The following SPECC1 variants were observed in gnomAD, a reference collection of about 807,000 sequenced individuals.
The protein encoded by SPECC1 is cytospin-B.
In SPECC1, 62 loss-of-function variants were observed where a neutral mutation model predicts 104.1. That is an observed-to-expected ratio of 0.60 (90% confidence interval 0.49 to 0.74). The LOEUF (loss-of-function observed/expected upper bound fraction) is 0.74. Ranked by LOEUF, SPECC1 falls within the 30% of genes least tolerant of loss-of-function variation. The pLI is 0.00. For missense variants in SPECC1, 1,306 were observed against 1,310.5 expected (o/e 1.00, Z 0.05); for synonymous variants, 513 against 501.6 (o/e 1.02, Z -0.30).
intron 3 of SPECC1, among the ~76,000 whole-genome samples, chr17:20,123,967 AG>A (rs2049161333): frequency 6.6e-6 from 1 of 152,204 alleles, no homozygotes; most frequent in Admixed American, 6.5e-5. Context: ...CAGGACTTGC[AG>A]ATTAGGAAAC....
chr17:20,141,257 T>C (rs2030760317), intron 3 of SPECC1, among the ~76,000 whole-genome samples: 1 of 152,210 alleles, frequency 6.6e-6, no homozygotes, highest in African/African-American at 2.4e-5. Context: ...ATCCTACCTA[T>C]ACTGCTTCTC....
intron 12 of SPECC1, among the ~76,000 whole-genome samples, chr17:20,282,597 G>A (rs2040812419): frequency 6.6e-6 from 1 of 152,196 alleles, no homozygotes; most frequent in South Asian, 2.1e-4. Flanking sequence ...TTTAGAGAAA[G>A]AGTGCTGATG....
chr17:20,082,458 G>T (rs2047010777), intron 1 of SPECC1, among the ~76,000 whole-genome samples: 1 of 152,088 alleles, frequency 6.6e-6, no homozygotes, highest in African/African-American at 2.4e-5. Context: ...AATTAGCCAG[G>T]CGTGGTGGTG....
At position 20,205,668 on chromosome 17, in the gene SPECC1, G is replaced by A; in HGVS notation, c.1619G>A (p.Cys540Tyr). The A allele has an allele frequency of 6.2e-7, 1 of 1,614,234 alleles. No homozygotes were observed. Among genetic ancestry groups the A allele is most frequent in the Non-Finnish European group, 8.5e-7 (1 of 1,180,042 alleles). The change falls in exon 4 of 15, where the codon TGT (cysteine) becomes TAT (tyrosine). Residue 540 changes from cysteine to tyrosine, a missense_variant. This residue lies in a region of SPECC1 where 1,177 missense variants were observed against 1,139.9 expected (regional missense o/e 1.03). Transcript: ENST00000395527. The stretch of plus-strand genomic sequence containing the variant: ...ATGATGGCCAAAACTTTGGAAGAGT[G>A]TAGAGTTACCTTGGAAGGGCTAAAA... The part of the protein sequence containing the change: ...NNMMAKTLEE[C>Y]RVTLEGLKME...
At chr17:20,216,771 G>A (rs1434226917) in intron 4 of SPECC1, among the ~76,000 whole-genome samples, 1 of 152,142 alleles carries the variant, frequency 6.6e-6, no homozygotes, top group Non-Finnish European at 1.5e-5. Context: ...ATTGAGAGAT[G>A]CATGAGAGTG....
At chr17:20,311,418 C>G (rs2041931540) in intron 14 of SPECC1, among the ~76,000 whole-genome samples, 1 of 150,230 alleles carries the variant, frequency 6.7e-6, no homozygotes, top group South Asian at 2.1e-4. Flanking sequence ...GAGATGGAGT[C>G]TTGCTCTGTC....
intron 7 of SPECC1, among the ~76,000 whole-genome samples, chr17:20,243,969 C>A (rs1366671510): frequency 6.6e-6 from 1 of 151,992 alleles, no homozygotes; most frequent in African/African-American, 2.4e-5. Context: ...GTAATCCTGG[C>A]ACTTTGGGAG....
At chr17:20,266,268 T>C (rs2040212946) in intron 12 of SPECC1, among the ~76,000 whole-genome samples, 1 of 152,176 alleles carries the variant, frequency 6.6e-6, no homozygotes, top group Non-Finnish European at 1.5e-5. Context: ...CTTCCATATA[T>C]TGTTCAGCTC....
intron 7 of SPECC1, among the ~76,000 whole-genome samples, chr17:20,235,270 C>A (rs1228620766): frequency 1.3e-5 from 2 of 152,178 alleles, no homozygotes; most frequent in Non-Finnish European, 2.9e-5. Flanking sequence ...TGGGAGCCTG[C>A]TCTTTCTCTT....
intron 3 of SPECC1, among the ~76,000 whole-genome samples, chr17:20,116,237 C>T (rs886485416): frequency 1.3e-5 from 2 of 152,028 alleles, no homozygotes; most frequent in Non-Finnish European, 2.9e-5. Flanking sequence ...TACAGGTGCC[C>T]GCCACCACGC....
intron 14 of SPECC1, among the ~76,000 whole-genome samples, chr17:20,309,521 C>A (rs186214802): frequency 6.6e-6 from 1 of 152,070 alleles, no homozygotes; most frequent in Non-Finnish European, 1.5e-5. Context: ...ACATAGTAGC[C>A]GATAGTTTTT....
At chr17:20,172,206 C>G (rs1319554233) in intron 3 of SPECC1, among the ~76,000 whole-genome samples, 4 of 152,144 alleles carry the variant, frequency 2.6e-5, no homozygotes, top group African/African-American at 9.7e-5. Flanking sequence ...CACACCACAC[C>G]CCTTCTGGCC....
intron 1 of SPECC1, among the ~76,000 whole-genome samples, chr17:20,047,615 T>G (rs1486886988): frequency 6.6e-6 from 1 of 152,044 alleles, no homozygotes; most frequent in Non-Finnish European, 1.5e-5. Flanking sequence ...CTTTTTTTTT[T>G]GAGATGGAGT....
In SPECC1 at chr17:20,049,938, C is replaced by T. The variant is rs185393233; in HGVS notation, c.-22+40514C>T. On this transcript the variant is annotated intron_variant, in intron 1 of 14. Coordinates refer to ENST00000395527, the MANE Select transcript of SPECC1 (RefSeq NM_001243439.2). ...ATTAAAGCTATTCTCCTGCCTCAGC[C>T]TCCCAAGTAGCTGGGATTACAGGCA... 9.4e-4 allele frequency among the ~76,000 whole-genome samples: 143 copies of T among 152,272 alleles called. 1 individual carries two copies. The highest frequency in any genetic ancestry group is 3.3e-3 in the African/African-American group (137 of 41,564).
At chr17:20,050,427 T>G (rs981019772) in intron 1 of SPECC1, among the ~76,000 whole-genome samples, 1 of 152,188 alleles carries the variant, frequency 6.6e-6, no homozygotes, top group Non-Finnish European at 1.5e-5. Flanking sequence ...TGTTTGTCTA[T>G]TCATGTACCA....
intron 12 of SPECC1, among the ~76,000 whole-genome samples, chr17:20,283,153 C>T (rs1282592774): frequency 2.6e-5 from 4 of 152,172 alleles, no homozygotes; most frequent in Non-Finnish European, 5.9e-5. Flanking sequence ...TATTGCACTC[C>T]AACCTGGGCA....
intron 3 of SPECC1, chr17:20,111,841 G>C: frequency 1.2e-6 from 1 of 837,756 alleles, no homozygotes; most frequent in South Asian, 1.3e-5. Flanking sequence ...GGGTGGCCCT[G>C]TTCCTGAACG....
intron 7 of SPECC1, chr17:20,237,718 A>C (rs907316314): frequency 5.1e-6 from 1 of 194,624 alleles, no homozygotes; most frequent in African/African-American, 2.3e-5. Context: ...ATAGGAAGCC[A>C]TCTGCGTGAT....
At chr17:20,025,929 C>T (rs935914662) in intron 1 of SPECC1, among the ~76,000 whole-genome samples, 4 of 152,100 alleles carry the variant, frequency 2.6e-5, no homozygotes, top group Non-Finnish European at 5.9e-5. Flanking sequence ...CTACATTCTA[C>T]ATTGTGGTTT....
Sources: gnomAD v4.1 joint callset for allele counts (sites outside exome capture counted in the v4.1 genomes callset) on GRCh38, gnomAD v4.1.1 for gene constraint, gnomAD v4.1.1 regional missense constraint, MANE v1.5 for transcripts, NCBI Gene and HGNC (gene_info 2026-07-23, HGNC 2026-07-21) for gene names.